The following ERP44 variants were observed in gnomAD, a reference collection of about 807,000 sequenced individuals.
ERP44 encodes endoplasmic reticulum resident protein 44.
A neutral mutation model predicts 53.4 loss-of-function variants in ERP44; 25 were observed. The observed-to-expected ratio is 0.47, with a 90% CI of 0.34 to 0.65. The LOEUF (loss-of-function observed/expected upper bound fraction) is 0.65. ERP44 is among the 30% of genes least tolerant of loss of function. The pLI is 0.01. For synonymous variants in ERP44, 145 were observed against 161.2 expected (o/e 0.90, Z 0.76); for missense variants, 338 against 493.2 (o/e 0.69, Z 2.98).
Position 100,063,075 on chromosome 9 carries a change from C to CAAAAAAAAAAAA in ERP44, c.58-2915_58-2904dup, listed in dbSNP as rs58004954. 2.0e-3 allele frequency among the ~76,000 whole-genome samples: 81 copies of CAAAAAAAAAAAA among 40,048 alleles called. 15 individuals are homozygous for CAAAAAAAAAAAA. The highest frequency in any genetic ancestry group is 2.9e-3 in the African/African-American group (27 of 9,242). The allele number at this position is 40,048 out of a possible 152,430, so 26.3% of individuals were successfully genotyped here. A position where few individuals can be genotyped will look rare whatever the true frequency, so the allele number is the denominator to read the frequency against. ...GATGACAGAACAGGACCCTGTCTCA[C>CAAAAAAAAAAAA]AAAAAAAAAAAAAAAAAAGAGAGAG... On this transcript the variant is annotated intron_variant, in intron 1 of 11. Transcript: ENST00000262455.
At chr9:100,095,344 T>C (rs1826614005) in intron 1 of ERP44, among the ~76,000 whole-genome samples, 1 of 152,046 alleles carries the variant, frequency 6.6e-6, no homozygotes, top group South Asian at 2.1e-4. Context: ...AATGATGAGA[T>C]GGAGAGAGAA....
At chr9:100,071,747 C>T (rs1300688914) in intron 1 of ERP44, among the ~76,000 whole-genome samples, 3 of 152,092 alleles carry the variant, frequency 2.0e-5, no homozygotes, top group African/African-American at 7.2e-5. Context: ...TGGTGAAACC[C>T]TGTCTCTACT....
chr9:100,086,043 C>A (rs1826477867), intron 1 of ERP44, among the ~76,000 whole-genome samples: 1 of 152,198 alleles, frequency 6.6e-6, no homozygotes. Flanking sequence ...GATTTGTCAT[C>A]ATTTTCCATA....
intron 1 of ERP44, among the ~76,000 whole-genome samples, chr9:100,076,615 T>C (rs545213132): frequency 4.9e-4 from 74 of 152,278 alleles, no homozygotes; most frequent in African/African-American, 1.7e-3. Context: ...GCTAGATATG[T>C]GATTATATAC....
chr9:100,045,617 C>T (rs1825957439), intron 4 of ERP44, among the ~76,000 whole-genome samples: 1 of 152,126 alleles, frequency 6.6e-6, no homozygotes. Flanking sequence ...TTTACAGGAA[C>T]TTTTCCAAGA....
chr9:99,998,294 C>T, intron 10 of ERP44: 1 of 428,238 alleles, frequency 2.3e-6, no homozygotes. Context: ...CTGGTGCACG[C>T]AGTGACTCAT....
intron 4 of ERP44, among the ~76,000 whole-genome samples, chr9:100,045,820 T>G (rs1825960591): frequency 6.6e-6 from 1 of 152,158 alleles, no homozygotes; most frequent in Non-Finnish European, 1.5e-5. Flanking sequence ...GCTAGGAAGC[T>G]TCTTACAGAT....
intron 2 of ERP44, among the ~76,000 whole-genome samples, chr9:100,058,673 C>A (rs1158638728): frequency 6.6e-6 from 1 of 152,130 alleles, no homozygotes; most frequent in Non-Finnish European, 1.5e-5. Flanking sequence ...AAGTTATTCC[C>A]CCCTACAAAA....
At chr9:100,091,197 T>C (rs1006391199) in intron 1 of ERP44, among the ~76,000 whole-genome samples, 9 of 152,356 alleles carry the variant, frequency 5.9e-5, no homozygotes, top group Admixed American at 2.0e-4. Context: ...AAGTTCTACA[T>C]AATGATGAAA....
At chr9:100,022,254 C>A in intron 4 of ERP44, 28 bp from the exon 5 acceptor site, 2 of 1,589,584 alleles carry the variant, frequency 1.3e-6, no homozygotes, top group Non-Finnish European at 1.7e-6. Flanking sequence ...AATTATTTAC[C>A]CTCATATGTA....
At chr9:100,076,852 C>T (rs1217250441) in intron 1 of ERP44, among the ~76,000 whole-genome samples, 2 of 152,200 alleles carry the variant, frequency 1.3e-5, no homozygotes, top group African/African-American at 2.4e-5. Context: ...CCTCCTTCCC[C>T]AGCCACCCCT....
intron 10 of ERP44, among the ~76,000 whole-genome samples, chr9:99,988,438 T>C (rs1366215383): frequency 6.6e-6 from 1 of 152,214 alleles, no homozygotes; most frequent in Non-Finnish European, 1.5e-5. Context: ...TAATTTTTCA[T>C]AGAAGGAAAT....
intron 8 of ERP44, among the ~76,000 whole-genome samples, chr9:100,012,858 G>T (rs1322454156): frequency 6.6e-6 from 1 of 152,086 alleles, no homozygotes; most frequent in Non-Finnish European, 1.5e-5. Context: ...GCCCTGAGAA[G>T]CAAATAAAAG....
chr9:100,061,585 T>C (rs1826150211), intron 1 of ERP44, among the ~76,000 whole-genome samples: 1 of 147,052 alleles, frequency 6.8e-6, no homozygotes, highest in African/African-American at 2.5e-5. Flanking sequence ...TAGAAACGTA[T>C]ATATTTATAG....
chr9:100,041,484 A>G (rs1467426150), intron 4 of ERP44, among the ~76,000 whole-genome samples: 2 of 152,100 alleles, frequency 1.3e-5, no homozygotes, highest in African/African-American at 4.8e-5. Flanking sequence ...CCTGGCCAAC[A>G]TGGTGAAACC....
intron 9 of ERP44, 87 bp from the exon 10 acceptor site, chr9:100,006,734 C>T: frequency 1.1e-6 from 1 of 917,926 alleles, no homozygotes; most frequent in Non-Finnish European, 1.6e-6. Flanking sequence ...AAGTGACATA[C>T]TAAAAAAAAA....
At chr9:100,041,741 A>C (rs1825905981) in intron 4 of ERP44, among the ~76,000 whole-genome samples, 1 of 152,204 alleles carries the variant, frequency 6.6e-6, no homozygotes, top group Non-Finnish European at 1.5e-5. Context: ...AAAATCCAGA[A>C]ATAAATCCAT....
At chr9:100,093,788 G>A (rs1421726241) in intron 1 of ERP44, among the ~76,000 whole-genome samples, 2 of 152,146 alleles carry the variant, frequency 1.3e-5, no homozygotes, top group Non-Finnish European at 2.9e-5. Context: ...TAAGAAGCTT[G>A]ATCACACTCA....
intron 4 of ERP44, among the ~76,000 whole-genome samples, chr9:100,043,026 G>A (rs1021264767): frequency 5.3e-5 from 8 of 151,832 alleles, no homozygotes; most frequent in South Asian, 2.1e-4. Flanking sequence ...TTGGGAGGCC[G>A]AAGCGGGCGA....
Sources: gnomAD v4.1 joint callset for allele counts (sites outside exome capture counted in the v4.1 genomes callset) on GRCh38, gnomAD v4.1.1 for gene constraint, MANE v1.5 for transcripts, NCBI Gene and HGNC (gene_info 2026-07-23, HGNC 2026-07-21) for gene names.